Variants in MCPH1 observed in about 807,000 individuals in gnomAD.
The protein encoded by MCPH1 is microcephalin.
In MCPH1, 104 loss-of-function variants were observed where a neutral mutation model predicts 84.5. The observed-to-expected ratio is 1.23, with a 90% CI of 1.05 to 1.45. The LOEUF is 1.45. Among genes scored for constraint, MCPH1 ranks in the 40% most tolerant of loss-of-function variants. The probability of loss-of-function intolerance (pLI) is 0.00; values close to 1 mark genes in which losing one functional copy is unlikely to be tolerated. For missense variants in MCPH1, 1,498 were observed against 1,005.7 expected, an observed-to-expected ratio of 1.49 and a Z score of -6.62; for synonymous variants, 514 against 366.8, an observed-to-expected ratio of 1.40 and a Z score of -4.58.
intron 12 of MCPH1, among the ~76,000 whole-genome samples, chr8:6,528,081 C>T (rs540487837): frequency 1.5e-4 from 23 of 151,972 alleles, no homozygotes; most frequent in African/African-American, 5.3e-4. Context: ...ATTTTTGGTA[C>T]AGATGGGGTT....
chr8:6,426,251 G>GT (rs1563190090), intron 3 of MCPH1, among the ~76,000 whole-genome samples: 1 of 152,114 alleles, frequency 6.6e-6, no homozygotes, highest in African/African-American at 2.4e-5. Flanking sequence ...ACATTCACGG[G>GT]TTTTTTGTGT....
At chr8:6,409,814 T>G (rs1798284793) in intron 2 of MCPH1, among the ~76,000 whole-genome samples, 2 of 152,144 alleles carry the variant, frequency 1.3e-5, no homozygotes, top group Non-Finnish European at 2.9e-5. Context: ...GTCACAGGTG[T>G]GGACATCGTC....
chr8:6,647,145 A>C lies in MCPH1; in HGVS notation c.*4096A>C, dbSNP rs1206420284. On this transcript the variant is annotated 3_prime_UTR_variant, in exon 14 of 14. Coordinates refer to ENST00000344683, the MANE Select transcript of MCPH1 (RefSeq NM_024596.5). The stretch of plus-strand genomic sequence containing the variant: ...AAAGCTGAAGACAATTCATGCAAGA[A>C]GATATACAAATATTAAGCACATTAA... 6.6e-6 allele frequency: 1 copy of C among 152,246 alleles called. No homozygotes were observed. Among genetic ancestry groups the C allele is most frequent in the Admixed American group, 6.5e-5 (1 of 15,284 alleles). 9.4% of individuals were successfully genotyped at this position (152,246 alleles called of 1,614,324 possible). A position where few individuals can be genotyped will look rare whatever the true frequency, so the allele number is the denominator to read the frequency against.
At chr8:6,587,793 G>A (rs1166452191) in intron 12 of MCPH1, among the ~76,000 whole-genome samples, 4 of 152,156 alleles carry the variant, frequency 2.6e-5, no homozygotes, top group Admixed American at 2.6e-4. Flanking sequence ...GCACAGACAT[G>A]GACTAAGTTA....
intron 12 of MCPH1, among the ~76,000 whole-genome samples, chr8:6,550,862 C>A (rs1446935213): frequency 6.6e-6 from 1 of 152,144 alleles, no homozygotes; most frequent in Non-Finnish European, 1.5e-5. Flanking sequence ...CAGCTGCCAC[C>A]ACAGTGATGG....
At chr8:6,422,747 G>C (rs1373035320) in intron 3 of MCPH1, among the ~76,000 whole-genome samples, 1 of 152,140 alleles carries the variant, frequency 6.6e-6, no homozygotes, top group Non-Finnish European at 1.5e-5. Flanking sequence ...GGAGTGCAGT[G>C]GTGCGATCTC....
chr8:6,609,552 C>T (rs1163173923), intron 12 of MCPH1, among the ~76,000 whole-genome samples: 1 of 152,210 alleles, frequency 6.6e-6, no homozygotes, highest in Non-Finnish European at 1.5e-5. Flanking sequence ...CAGCGAAAGT[C>T]AGGGGGAAAA....
intron 12 of MCPH1, among the ~76,000 whole-genome samples, chr8:6,532,710 G>A (rs1008073195): frequency 6.6e-6 from 1 of 152,004 alleles, no homozygotes; most frequent in Non-Finnish European, 1.5e-5. Context: ...GTCACATCAT[G>A]TAAAGGAGGG....
intron 12 of MCPH1, among the ~76,000 whole-genome samples, chr8:6,515,502 G>C (rs1816083169): frequency 2.0e-5 from 3 of 152,212 alleles, no homozygotes; most frequent in Admixed American, 2.0e-4. Flanking sequence ...TTTTATTTCT[G>C]CTCTTAAACT....
intron 12 of MCPH1, among the ~76,000 whole-genome samples, chr8:6,546,594 T>G (rs1054159255): frequency 2.0e-5 from 3 of 152,196 alleles, no homozygotes; most frequent in Non-Finnish European, 4.4e-5. Flanking sequence ...GCTACTAAAT[T>G]GTCAGAACAT....
intron 11 of MCPH1, among the ~76,000 whole-genome samples, chr8:6,482,231 G>A (rs1809334787): frequency 6.6e-6 from 1 of 152,186 alleles, no homozygotes; most frequent in Non-Finnish European, 1.5e-5. Context: ...GTGAAAAGGT[G>A]AACGTTGTCC....
intron 12 of MCPH1, among the ~76,000 whole-genome samples, chr8:6,504,332 A>G (rs1812832423): frequency 6.6e-6 from 1 of 151,420 alleles, no homozygotes; most frequent in African/African-American, 2.4e-5. Flanking sequence ...AAAAAAAAAA[A>G]AAAAAGAATG....
intron 13 of MCPH1, among the ~76,000 whole-genome samples, chr8:6,630,152 G>A (rs1586872603): frequency 6.6e-6 from 1 of 152,174 alleles, no homozygotes; most frequent in Non-Finnish European, 1.5e-5. Context: ...AATACCAAAT[G>A]TTAGCAAAAT....
intron 3 of MCPH1, among the ~76,000 whole-genome samples, chr8:6,425,175 A>G (rs1800872689): frequency 6.6e-6 from 1 of 152,226 alleles, no homozygotes; most frequent in Non-Finnish European, 1.5e-5. Context: ...TCATCACAGC[A>G]CGGCTTCCCG....
rs1177358097 is a variant in MCPH1, at chr8:6,639,297, A to G, written c.2453-3697A>G. 2.0e-5 allele frequency among the ~76,000 whole-genome samples: 3 copies of G among 152,340 alleles called. No individual in the cohort carries two copies. In the East Asian group the frequency reaches 5.8e-4, roughly 29 times the overall value. The stretch of plus-strand genomic sequence containing the variant: ...AGTACACAGGGTCCTCCAGTCTTAC[A>G]ACCCTTCCTTAACTACAATAAAGAT... On this transcript the variant is annotated intron_variant, in intron 13 of 13. Coordinates refer to ENST00000344683, the MANE Select transcript of MCPH1 (RefSeq NM_024596.5).
intron 8 of MCPH1, among the ~76,000 whole-genome samples, chr8:6,453,582 G>C (rs1805330955): frequency 6.6e-6 from 1 of 152,094 alleles, no homozygotes; most frequent in African/African-American, 2.4e-5. Context: ...CTCAATAACA[G>C]AGCACTACGT....
intron 4 of MCPH1, among the ~76,000 whole-genome samples, chr8:6,433,444 C>T (rs1188350782): frequency 6.6e-6 from 1 of 151,890 alleles, no homozygotes; most frequent in Non-Finnish European, 1.5e-5. Context: ...AGCAGCCTGG[C>T]CAACATGGCG....
At chr8:6,435,958 A>G (rs1398905985) in intron 4 of MCPH1, 90 bp from the exon 5 acceptor site, 1 of 1,475,164 alleles carries the variant, frequency 6.8e-7, no homozygotes, top group African/African-American at 1.4e-5. Flanking sequence ...CTGATGTTAT[A>G]AAAGGTATCA....
intron 12 of MCPH1, among the ~76,000 whole-genome samples, chr8:6,556,473 G>T (rs1227440937): frequency 6.7e-6 from 1 of 149,664 alleles, no homozygotes; most frequent in East Asian, 2.0e-4. Context: ...TCCCTCACAC[G>T]CCTGACTCCC....
Sources: allele counts gnomAD v4.1 joint callset (sites outside exome capture counted in the v4.1 genomes callset), GRCh38; gene constraint gnomAD v4.1.1; transcripts MANE v1.5; gene names NCBI Gene and HGNC (gene_info 2026-07-23, HGNC 2026-07-21).